Variants in SEC11A observed in about 807,000 individuals in gnomAD.
SEC11A encodes SEC11 homolog A, signal peptidase complex subunit, also known as signal peptidase complex catalytic subunit SEC11A.
SEC11A carries 14 observed loss-of-function variants against 25.6 expected under a neutral mutation model. The observed-to-expected ratio is 0.55, with a 90% CI of 0.36 to 0.85. The LOEUF (loss-of-function observed/expected upper bound fraction) is 0.85, where lower values mean the gene tolerates loss of function less well. Ranked by LOEUF, SEC11A falls within the 40% of genes least tolerant of loss-of-function variation. SEC11A has a pLI of 0.01. For synonymous variants in SEC11A, 83 were observed against 76.4 expected, an observed-to-expected ratio of 1.09 and a Z score of -0.45; for missense variants, 153 against 222.9, an observed-to-expected ratio of 0.69 and a Z score of 2.00.
chr15:84,702,098 G>C (rs1385351091), intron 1 of SEC11A, among the ~76,000 whole-genome samples: 2 of 151,294 alleles, frequency 1.3e-5, no homozygotes, highest in African/African-American at 4.9e-5. Flanking sequence ...ATAATAATAG[G>C]GAGGTAAGTT....
chr15:84,685,799 T>C (rs1460878214), intron 3 of SEC11A: 1 of 16,864 alleles, frequency 5.9e-5, no homozygotes, highest in African/African-American at 1.5e-4. Flanking sequence ...ATAAATTTCT[T>C]TTTTTTTTTT....
rs1289977848 is a variant in SEC11A, at chr15:84,679,990, A to G, written c.431+723T>C. ...AAAATCTGAAACAAACAGGCTTAAT[A>G]TAACTTTTTAATTTCATTCAACCTC... On this transcript the variant is annotated intron_variant, in intron 4 of 5. Coordinates refer to ENST00000268220, the MANE Select transcript of SEC11A (RefSeq NM_014300.4). 6.0e-6 allele frequency: 9 copies of G among 1,491,960 alleles called. No homozygotes were observed. The Admixed American group carries it at 1.4e-4, about 23-fold the overall frequency. The allele number at this position is 1,491,960 out of a possible 1,614,324, so 92.4% of individuals were successfully genotyped here. A position where few individuals can be genotyped will look rare whatever the true frequency, so the allele number is the denominator to read the frequency against.
intron 4 of SEC11A, among the ~76,000 whole-genome samples, chr15:84,678,439 T>C (rs1344744671): frequency 1.3e-5 from 2 of 152,172 alleles, no homozygotes; most frequent in Non-Finnish European, 2.9e-5. Context: ...CATAACATTG[T>C]TCGCAATAAA....
At chr15:84,708,493 A>G (rs1436827702) in intron 1 of SEC11A, among the ~76,000 whole-genome samples, 1 of 152,114 alleles carries the variant, frequency 6.6e-6, no homozygotes, top group Non-Finnish European at 1.5e-5. Flanking sequence ...TATTAGGTCT[A>G]TATCTAAGAA....
intron 1 of SEC11A, among the ~76,000 whole-genome samples, chr15:84,696,581 T>G (rs1397024149): frequency 1.3e-5 from 2 of 152,106 alleles, no homozygotes; most frequent in Non-Finnish European, 2.9e-5. Context: ...TCAAAACCCT[T>G]GGGGGTCAGA....
At position 84,700,122 on chromosome 15, in the gene SEC11A, A is replaced by G. The variant is rs568325703; in HGVS notation, c.52-8478T>C. ...CTAACTTGCCTGTAACCCAGAATAA[A>G]GCTCAAGAATATTTATGCAAATCCA... On this transcript the variant is annotated intron_variant, in intron 1 of 5. Coordinates refer to ENST00000268220, the MANE Select transcript of SEC11A (RefSeq NM_014300.4). Among the ~76,000 whole-genome samples the G allele has an allele frequency of 9.9e-5, 15 of 152,124 alleles. 1 individual carries two copies. Among genetic ancestry groups the G allele is most frequent in the African/African-American group, 3.6e-4 (15 of 41,362 alleles).
intron 1 of SEC11A, among the ~76,000 whole-genome samples, chr15:84,712,523 C>T (rs1184790649): frequency 6.7e-6 from 1 of 150,128 alleles, no homozygotes; most frequent in Non-Finnish European, 1.5e-5. Flanking sequence ...TCTGGGCTCA[C>T]TGCAACCTCT....
intron 3 of SEC11A, among the ~76,000 whole-genome samples, chr15:84,685,656 T>G (rs1337451676): frequency 1.3e-5 from 2 of 152,060 alleles, no homozygotes; most frequent in Non-Finnish European, 2.9e-5. Context: ...TTAATTTGAT[T>G]CTCTCTGATA....
chr15:84,706,035 G>A (rs1898084280), intron 1 of SEC11A, among the ~76,000 whole-genome samples: 1 of 151,484 alleles, frequency 6.6e-6, no homozygotes, highest in South Asian at 2.1e-4. Flanking sequence ...CCTCTACTGA[G>A]TAGCTGGGAA....
chr15:84,700,012 T>C (rs1275424351), intron 1 of SEC11A, among the ~76,000 whole-genome samples: 2 of 151,952 alleles, frequency 1.3e-5, no homozygotes, highest in African/African-American at 4.9e-5. Flanking sequence ...TCACTTGTAG[T>C]GCAAAATTAG....
chr15:84,711,555 T>C (rs1318827377), intron 1 of SEC11A, among the ~76,000 whole-genome samples: 1 of 152,040 alleles, frequency 6.6e-6, no homozygotes, highest in East Asian at 1.9e-4. Flanking sequence ...CAGTGGCTCA[T>C]GCCTGTAACC....
At chr15:84,699,075 G>A (rs375059092) in intron 1 of SEC11A, among the ~76,000 whole-genome samples, 1 of 152,068 alleles carries the variant, frequency 6.6e-6, no homozygotes, top group Non-Finnish European at 1.5e-5. Flanking sequence ...AGCACTTTGC[G>A]AGGCCAAGGA....
intron 4 of SEC11A, chr15:84,680,003 T>C: frequency 7.2e-7 from 1 of 1,392,564 alleles, no homozygotes; most frequent in South Asian, 1.2e-5. Context: ...ACTTTTTAAT[T>C]TCATTCAACC....
intron 4 of SEC11A, among the ~76,000 whole-genome samples, chr15:84,680,170 G>A (rs932517913): frequency 2.6e-5 from 4 of 151,808 alleles, no homozygotes; most frequent in Admixed American, 6.6e-5. Flanking sequence ...GCATGGTGGC[G>A]GGCGCCTGTA....
rs1896927390 is a variant in SEC11A, at chr15:84,669,603, T to G, written c.*416A>C. Reference sequence around the variant, plus strand: ...AAGTTAAGACTTACGACCACCTCAGTATATGCCATTCCTAATAGAAGGAGG... The same window carrying G: ...AAGTTAAGACTTACGACCACCTCAGGATATGCCATTCCTAATAGAAGGAGG... On this transcript the variant is annotated 3_prime_UTR_variant, in exon 6 of 6. Transcript: ENST00000268220. The G allele has an allele frequency of 1.7e-5, 3 of 179,488 alleles. No homozygotes were observed. Among genetic ancestry groups the G allele is most frequent in the Non-Finnish European group, 3.5e-5 (3 of 84,560 alleles). The allele number at this position is 179,488 out of a possible 1,614,324, so 11.1% of individuals were successfully genotyped here.
chr15:84,700,984 C>CAAAAAAAA (rs57015135), intron 1 of SEC11A, among the ~76,000 whole-genome samples: 5 of 78,016 alleles, frequency 6.4e-5, no homozygotes, highest in African/African-American at 1.1e-4. Context: ...AACTCCATAT[C>CAAAAAAAA]AAAAAAAAAA....
intron 1 of SEC11A, 65 bp downstream of exon 1, chr15:84,715,960 G>A (rs1596088883): frequency 1.3e-6 from 2 of 1,484,566 alleles, no homozygotes; most frequent in Non-Finnish European, 9.3e-7. Flanking sequence ...GGTCCGCCGG[G>A]CCCCGCAGCA....
chr15:84,671,190 T>C (rs1205844635), intron 4 of SEC11A: 1 of 153,874 alleles, frequency 6.5e-6, no homozygotes, highest in East Asian at 1.9e-4. Context: ...GTACTTCATG[T>C]TAAGTGGCCA....
intron 1 of SEC11A, among the ~76,000 whole-genome samples, chr15:84,705,401 G>C (rs1006197551): frequency 2.0e-5 from 3 of 152,092 alleles, no homozygotes; most frequent in African/African-American, 7.2e-5. Context: ...GTGGGGCTGG[G>C]GTAATGTCTA....
Sources: gnomAD v4.1 joint callset for allele counts (sites outside exome capture counted in the v4.1 genomes callset) on GRCh38, gnomAD v4.1.1 for gene constraint, MANE v1.5 for transcripts, NCBI Gene and HGNC (gene_info 2026-07-23, HGNC 2026-07-21) for gene names.